Variants in ACSS3 observed in about 807,000 individuals in gnomAD.
ACSS3 encodes acyl-CoA synthetase short-chain family member 3, mitochondrial.
Under a neutral mutation model 84.2 loss-of-function variants are expected in ACSS3, and 64 were observed. That is an observed-to-expected ratio of 0.76 (90% CI 0.62 to 0.94). ACSS3 has a LOEUF of 0.94. Ranked by LOEUF, ACSS3 falls within the 40% of genes least tolerant of loss-of-function variation. The probability of loss-of-function intolerance (pLI) is 0.00; values close to 1 mark genes in which losing one functional copy is unlikely to be tolerated. For missense variants in ACSS3, 815 were observed against 867.6 expected, an observed-to-expected ratio of 0.94 and a Z score of 0.76; for synonymous variants, 317 against 310.1, an observed-to-expected ratio of 1.02 and a Z score of -0.23.
chr12:81,136,270 T>G (rs1885797009), intron 3 of ACSS3, among the ~76,000 whole-genome samples: 2 of 152,136 alleles, frequency 1.3e-5, no homozygotes, highest in Admixed American at 1.3e-4. Flanking sequence ...TAGAAAAATT[T>G]TAATGGTAAT....
intron 8 of ACSS3, among the ~76,000 whole-genome samples, chr12:81,178,263 A>G (rs2030644940): frequency 6.8e-6 from 1 of 147,786 alleles, no homozygotes; most frequent in South Asian, 2.3e-4. Context: ...GAATTGAACA[A>G]TGAGAACACA....
chr12:81,180,666 C>A (rs192232467), intron 8 of ACSS3, among the ~76,000 whole-genome samples: 2 of 152,212 alleles, frequency 1.3e-5, no homozygotes, highest in Admixed American at 1.3e-4. Context: ...CAGGTGCCTG[C>A]CACCACGCCT....
At chr12:81,147,843 T>C (rs1886413693) in intron 5 of ACSS3, among the ~76,000 whole-genome samples, 3 of 151,910 alleles carry the variant, frequency 2.0e-5, no homozygotes, top group African/African-American at 7.2e-5. Flanking sequence ...CCCCCTTTAT[T>C]GTTTCTTGTC....
At chr12:81,107,495 C>A (rs1255941763) in intron 1 of ACSS3, among the ~76,000 whole-genome samples, 3 of 59,266 alleles carry the variant, frequency 5.1e-5, no homozygotes, top group African/African-American at 5.5e-5. Flanking sequence ...TTTTTTTTTT[C>A]AGGTACAAAT....
intron 1 of ACSS3, among the ~76,000 whole-genome samples, chr12:81,107,553 T>TAA (rs1883168047): frequency 8.2e-6 from 1 of 121,552 alleles, no homozygotes; most frequent in South Asian, 2.6e-4. Flanking sequence ...TATATATATA[T>TAA]ATATATAAAT....
intron 8 of ACSS3, among the ~76,000 whole-genome samples, chr12:81,188,544 T>A (rs758584065): frequency 1.2e-4 from 18 of 152,102 alleles, no homozygotes; most frequent in Non-Finnish European, 2.4e-4. Flanking sequence ...CCCAAAAATA[T>A]GCCTTATCCT....
At position 81,239,817 on chromosome 12, in the gene ACSS3, G is replaced by C. The variant is rs79447671; in HGVS notation, c.1719+6346G>C. On this transcript the variant is annotated intron_variant, in intron 13 of 15. Coordinates refer to ENST00000548058, the MANE Select transcript of ACSS3 (RefSeq NM_024560.4). ...TAAAATAAAACATTTTAATTTTCTTGTTCTCAATTTATCTCAAAAATAACA... is the reference window on the plus strand; with the variant it reads ...TAAAATAAAACATTTTAATTTTCTTCTTCTCAATTTATCTCAAAAATAACA... 2.4e-3 allele frequency among the ~76,000 whole-genome samples: 369 copies of C among 151,964 alleles called. 7 individuals are homozygous for C. The East Asian group carries it at 0.054, about 22-fold the overall frequency.
intron 3 of ACSS3, among the ~76,000 whole-genome samples, chr12:81,137,107 G>A (rs1435967): frequency 0.31 from 47,045 of 150,870 alleles, 7,570 homozygotes; most frequent in Admixed American, 0.44. Flanking sequence ...AAGCTGATTT[G>A]TGGACAAACC....
At chr12:81,180,716 A>C (rs1370255119) in intron 8 of ACSS3, among the ~76,000 whole-genome samples, 2 of 152,000 alleles carry the variant, frequency 1.3e-5, no homozygotes, top group African/African-American at 4.8e-5. Context: ...GGGTTTCACT[A>C]TGTTGGCCAG....
intron 13 of ACSS3, among the ~76,000 whole-genome samples, chr12:81,237,591 C>A (rs2033669482): frequency 6.6e-6 from 1 of 151,436 alleles, no homozygotes; most frequent in South Asian, 2.1e-4. Flanking sequence ...GTTCTGGATC[C>A]TATTTAAATC....
intron 5 of ACSS3, among the ~76,000 whole-genome samples, chr12:81,143,833 T>G (rs987410716): frequency 6.6e-6 from 1 of 152,196 alleles, no homozygotes; most frequent in African/African-American, 2.4e-5. Context: ...ATGAAATGTG[T>G]TTTTACAAAG....
At chr12:81,215,426 C>T (rs547374646) in intron 9 of ACSS3, among the ~76,000 whole-genome samples, 15 of 152,138 alleles carry the variant, frequency 9.9e-5, no homozygotes, top group Non-Finnish European at 2.2e-4. Context: ...TTGATGCCAG[C>T]TGAGCCTCCA....
At chr12:81,102,618 A>G (rs910887808) in intron 1 of ACSS3, among the ~76,000 whole-genome samples, 1 of 152,046 alleles carries the variant, frequency 6.6e-6, no homozygotes, top group African/African-American at 2.4e-5. Context: ...GTCAAGAGAT[A>G]AAGACCATAC....
At chr12:81,163,773 T>G (rs1887270705) in intron 7 of ACSS3, among the ~76,000 whole-genome samples, 1 of 152,198 alleles carries the variant, frequency 6.6e-6, no homozygotes, top group Non-Finnish European at 1.5e-5. Context: ...AGTTTAAAGT[T>G]TTTTAAAAAT....
intron 7 of ACSS3, among the ~76,000 whole-genome samples, chr12:81,157,493 A>C (rs1274640983): frequency 1.3e-5 from 2 of 152,178 alleles, no homozygotes; most frequent in Admixed American, 1.3e-4. Flanking sequence ...ATATCTGTGG[A>C]AGTTCTAGCT....
At chr12:81,229,267 C>T (rs889871484) in intron 11 of ACSS3, among the ~76,000 whole-genome samples, 1 of 151,672 alleles carries the variant, frequency 6.6e-6, no homozygotes, top group Admixed American at 6.6e-5. Flanking sequence ...AATATGCAAG[C>T]AGAATGAATC....
rs572372650 is a variant in ACSS3 at position 81,225,701 on chromosome 12, T to C, written c.1515-5356T>C. 1.6e-4 allele frequency among the ~76,000 whole-genome samples: 25 copies of C among 152,076 alleles called. No homozygotes were observed. In the South Asian group the frequency reaches 5.2e-3, roughly 32 times the overall value. On this transcript the variant is annotated intron_variant, in intron 11 of 15. Coordinates refer to ENST00000548058, the MANE Select transcript of ACSS3 (RefSeq NM_024560.4). ...TATTCTAAAAATACTAAATTTCTTTTTCTTGTAGTTCACAAAGTGCTAGGA... is the reference window on the plus strand; with the variant it reads ...TATTCTAAAAATACTAAATTTCTTTCTCTTGTAGTTCACAAAGTGCTAGGA...
At chr12:81,229,392 C>T (rs1593222325) in intron 11 of ACSS3, among the ~76,000 whole-genome samples, 1 of 151,878 alleles carries the variant, frequency 6.6e-6, no homozygotes, top group East Asian at 1.9e-4. Flanking sequence ...ATCCTCTTTG[C>T]TTTTTCACCT....
chr12:81,224,670 A>G (rs1450610048), intron 11 of ACSS3, among the ~76,000 whole-genome samples: 1 of 151,810 alleles, frequency 6.6e-6, no homozygotes, highest in Non-Finnish European at 1.5e-5. Flanking sequence ...GTGGTCGACC[A>G]TAGTCCAAAG....
Sources: gnomAD v4.1 joint callset for allele counts (sites outside exome capture counted in the v4.1 genomes callset) on GRCh38, gnomAD v4.1.1 for gene constraint, MANE v1.5 for transcripts, NCBI Gene and HGNC (gene_info 2026-07-23, HGNC 2026-07-21) for gene names.